Variants in RPS6KC1 observed in about 807,000 individuals in gnomAD.
The protein encoded by RPS6KC1 is inactive ribosomal protein S6 kinase delta-1.
Under a neutral mutation model 103.8 loss-of-function variants are expected in RPS6KC1, and 54 were observed. The ratio of observed to expected loss-of-function variants is 0.52; its 90% CI spans 0.42 to 0.65. The LOEUF is 0.65. Ranked by LOEUF, RPS6KC1 falls within the 30% of genes least tolerant of loss-of-function variation. The probability of loss-of-function intolerance (pLI) is 0.00; values close to 1 mark genes in which losing one functional copy is unlikely to be tolerated. For missense variants in RPS6KC1, 1,151 were observed against 1,253.8 expected, an observed-to-expected ratio of 0.92 and a Z score of 1.24; for synonymous variants, 439 against 438.7, an observed-to-expected ratio of 1.00 and a Z score of -0.01.
At chr1:213,716,856 C>A in the RPS6KC1 span, among the ~76,000 whole-genome samples, 1 of 152,100 alleles carries the variant, frequency 6.6e-6, no homozygotes, top group Non-Finnish European at 1.5e-5. Flanking sequence ...TTTATAACAT[C>A]CCTATGAAAA....
intron 1 of RPS6KC1, among the ~76,000 whole-genome samples, chr1:213,063,801 A>G (rs904954426): frequency 6.6e-6 from 1 of 152,196 alleles, no homozygotes; most frequent in East Asian, 1.9e-4. Context: ...AGGTAAATTG[A>G]ATTGATTATT....
the RPS6KC1 span, among the ~76,000 whole-genome samples, chr1:213,456,126 G>A: frequency 6.6e-6 from 1 of 152,060 alleles, no homozygotes; most frequent in East Asian, 1.9e-4. Context: ...CATTCCTATC[G>A]GCACATGGGG....
chr1:213,098,330 C>T (rs1038348194), intron 3 of RPS6KC1, among the ~76,000 whole-genome samples: 6 of 139,376 alleles, frequency 4.3e-5, no homozygotes, highest in East Asian at 4.1e-4. Context: ...TTTGTAGAGA[C>T]GGGGTTTCAC....
the RPS6KC1 span, among the ~76,000 whole-genome samples, chr1:213,619,083 T>A: frequency 1.3e-5 from 2 of 152,224 alleles, no homozygotes; most frequent in African/African-American, 4.8e-5. Flanking sequence ...AGAGATGTAT[T>A]ATCTTCCATA....
the RPS6KC1 span, among the ~76,000 whole-genome samples, chr1:213,606,075 G>T: frequency 6.6e-6 from 1 of 152,258 alleles, no homozygotes; most frequent in Non-Finnish European, 1.5e-5. Flanking sequence ...ACAGAGCAAA[G>T]GCAATTTATT....
the RPS6KC1 span, among the ~76,000 whole-genome samples, chr1:213,608,296 G>A: frequency 6.6e-6 from 1 of 152,176 alleles, no homozygotes; most frequent in African/African-American, 2.4e-5. Context: ...GGTCCCAGCA[G>A]GGGGAAGGCA....
intron 4 of RPS6KC1, among the ~76,000 whole-genome samples, chr1:213,106,711 A>G (rs1238172415): frequency 6.6e-6 from 1 of 152,212 alleles, no homozygotes; most frequent in Non-Finnish European, 1.5e-5. Context: ...AACCACATAC[A>G]TAAGAGTAGA....
At chr1:213,476,909 G>T in the RPS6KC1 span, among the ~76,000 whole-genome samples, 1 of 152,234 alleles carries the variant, frequency 6.6e-6, no homozygotes, top group African/African-American at 2.4e-5. Flanking sequence ...TAGGACCCAT[G>T]TAAATTAGGT....
chr1:213,157,485 A>G (rs2090027524), intron 6 of RPS6KC1, among the ~76,000 whole-genome samples: 2 of 152,040 alleles, frequency 1.3e-5, no homozygotes, highest in African/African-American at 4.8e-5. Flanking sequence ...GGGATTACAG[A>G]CGTGAGCCAC....
At chr1:213,251,082 T>G (rs1014909142) in intron 12 of RPS6KC1, among the ~76,000 whole-genome samples, 2 of 151,674 alleles carry the variant, frequency 1.3e-5, no homozygotes, top group Admixed American at 6.6e-5. Context: ...CTGTCTTCTT[T>G]ATTCGCCCAG....
intron 12 of RPS6KC1, among the ~76,000 whole-genome samples, chr1:213,254,262 C>T (rs2149045165): frequency 6.6e-6 from 1 of 152,226 alleles, no homozygotes. Flanking sequence ...AAACAGTTTG[C>T]ACATGTTTGA....
At chr1:213,384,275 C>CAAAAA in the RPS6KC1 span, among the ~76,000 whole-genome samples, 32 of 144,996 alleles carry the variant, frequency 2.2e-4, no homozygotes, top group African/African-American at 8.7e-4. Context: ...GACTCCATCT[C>CAAAAA]AAAAAAAAAT....
chr1:213,202,204 C>A (rs2093188884), intron 8 of RPS6KC1, among the ~76,000 whole-genome samples: 1 of 152,042 alleles, frequency 6.6e-6, no homozygotes. Context: ...ATTATTATAA[C>A]ATTTATATTC....
chr1:213,716,637 C>T, the RPS6KC1 span, among the ~76,000 whole-genome samples: 1 of 152,166 alleles, frequency 6.6e-6, no homozygotes, highest in Non-Finnish European at 1.5e-5. Context: ...ACTTCTACAG[C>T]TCATAATTTG....
chr1:213,739,040 A>T, the RPS6KC1 span, among the ~76,000 whole-genome samples: 54 of 152,112 alleles, frequency 3.6e-4, no homozygotes, highest in African/African-American at 9.6e-4. Context: ...AATACAGTTG[A>T]CTGTTGAACA....
intron 8 of RPS6KC1, among the ~76,000 whole-genome samples, chr1:213,212,681 G>C (rs561744859): frequency 6.6e-6 from 1 of 152,294 alleles, no homozygotes; most frequent in Non-Finnish European, 1.5e-5. Context: ...AAGTGGATGT[G>C]TTATTTTGCA....
the RPS6KC1 span, among the ~76,000 whole-genome samples, chr1:213,827,310 G>A: frequency 2.0e-5 from 3 of 152,158 alleles, no homozygotes; most frequent in Non-Finnish European, 4.4e-5. Context: ...GGAAGGATGG[G>A]GTCTCTGGGC....
chr1:213,330,744 T>C, the RPS6KC1 span, among the ~76,000 whole-genome samples: 17 of 152,270 alleles, frequency 1.1e-4, no homozygotes, highest in Admixed American at 2.6e-4. Flanking sequence ...AACAGGGTGC[T>C]GTCCACTTTG....
At chr1:213,414,704 G>A in the RPS6KC1 span, among the ~76,000 whole-genome samples, 1 of 151,750 alleles carries the variant, frequency 6.6e-6, no homozygotes, top group Non-Finnish European at 1.5e-5. Flanking sequence ...TGTTATGGGA[G>A]CCCTAGGAAA....
Sources: allele counts gnomAD v4.1 joint callset (sites outside exome capture counted in the v4.1 genomes callset), GRCh38; gene constraint gnomAD v4.1.1; transcripts MANE v1.5; gene names NCBI Gene and HGNC (gene_info 2026-07-23, HGNC 2026-07-21).